TXNDC11: variants seen among roughly 807,000 people sequenced by gnomAD.
TXNDC11 encodes the protein thioredoxin domain containing 11, also known as thioredoxin domain-containing protein 11.
A neutral mutation model predicts 78.0 loss-of-function variants in TXNDC11; 68 were observed. That is an observed-to-expected ratio of 0.87 (90% CI 0.72 to 1.07). The LOEUF is 1.07. Ranked by LOEUF, TXNDC11 falls within the 50% of genes least tolerant of loss-of-function variation. The pLI, the probability that TXNDC11 is intolerant of heterozygous loss-of-function variation, is 0.00. For synonymous variants in TXNDC11, 571 were observed against 495.2 expected (o/e 1.15, Z -2.03); for missense variants, 1,389 against 1,221.8 (o/e 1.14, Z -2.04).
intron 7 of TXNDC11, 190 bp from the exon 8 acceptor site, chr16:11,692,272 A>G: frequency 1.9e-6 from 1 of 531,114 alleles, no homozygotes; most frequent in East Asian, 3.1e-5. Context: ...TAGTGTGATG[A>G]AATTTTTGCC....
Position 11,700,476 on chromosome 16 carries a change from T to G in TXNDC11, c.882A>C (p.Leu294Phe). ...VSLVHSGSVY[L>F]HRHFNTSLVF... ...CAAGTGATGTGTTGAAATGTCTATG[T>G]AAATACACACTTCCAGAGTGTACTA... Residue 294 changes from leucine (L) to phenylalanine (F), a missense_variant, in exon 6 of 12, where the codon TTA (leucine) becomes TTC (phenylalanine). Transcript: ENST00000283033. 1 of 1,574,310 alleles carries G rather than the reference T, an allele frequency of 6.4e-7. No individual in the cohort carries two copies. The highest frequency in any genetic ancestry group is 2.2e-5 in the East Asian group (1 of 44,628).
intron 11 of TXNDC11, among the ~76,000 whole-genome samples, chr16:11,682,925 C>G (rs1440172026): frequency 6.6e-6 from 1 of 152,130 alleles, no homozygotes; most frequent in Non-Finnish European, 1.5e-5. Flanking sequence ...GAAACACTCT[C>G]CTAGAGAAAC....
rs146263426 is a variant in TXNDC11 at position 11,693,457 on chromosome 16, CTG to C, written c.1108-1377_1108-1376del. Reference sequence around the variant, plus strand: ...TGCTGTCACTCAGGATTTTGTTTCGCTGTGTGTGTGTGTGTGTCTGTGTGTCT... The same window carrying C: ...TGCTGTCACTCAGGATTTTGTTTCGCTGTGTGTGTGTGTGTCTGTGTGTCT... On this transcript the variant is annotated intron_variant, in intron 7 of 11. Coordinates refer to ENST00000283033, the MANE Select transcript of TXNDC11 (RefSeq NM_015914.7). Among the ~76,000 whole-genome samples the C allele has an allele frequency of 5.6e-4, 84 of 150,944 alleles. 1 individual carries two copies. Among genetic ancestry groups the C allele is most frequent in the Admixed American group, 2.6e-4 (4 of 15,168 alleles).
chr16:11,718,298 A>C (rs1266144288), intron 5 of TXNDC11, among the ~76,000 whole-genome samples: 1 of 152,196 alleles, frequency 6.6e-6, no homozygotes, highest in Admixed American at 6.5e-5. Flanking sequence ...GGCAGGGGAA[A>C]GGCATGTGTA....
chr16:11,723,581 T>A (rs1225059870), intron 4 of TXNDC11, among the ~76,000 whole-genome samples: 1 of 151,680 alleles, frequency 6.6e-6, no homozygotes, highest in East Asian at 1.9e-4. Flanking sequence ...CAAGACTCCA[T>A]CTTAAAACAA....
In TXNDC11 at chr16:11,725,331, ATATT is replaced by A. The variant is rs912697989; in HGVS notation, c.700-3665_700-3662del. On this transcript the variant is annotated intron_variant, in intron 4 of 11. Transcript: ENST00000283033. ...AGAGCCATGGCATCATCCTTCATCC[ATATT>A]TATTCTTTTAAGTATTCATTTAGAA... Among the ~76,000 whole-genome samples the A allele has an allele frequency of 3.3e-5, 5 of 149,860 alleles. 1 individual carries two copies. The East Asian group carries it at 7.8e-4, about 23-fold the overall frequency.
chr16:11,727,476 G>T (rs2051917284), intron 4 of TXNDC11, among the ~76,000 whole-genome samples: 1 of 152,138 alleles, frequency 6.6e-6, no homozygotes, highest in African/African-American at 2.4e-5. Context: ...TAAGGCTCTT[G>T]ACCAAAACAA....
At chr16:11,731,571 C>T (rs1423648253) in intron 3 of TXNDC11, among the ~76,000 whole-genome samples, 1 of 152,038 alleles carries the variant, frequency 6.6e-6, no homozygotes, top group Non-Finnish European at 1.5e-5. Flanking sequence ...ACTGCATAAT[C>T]GTTCTTTTCT....
intron 7 of TXNDC11, 47 bp from the exon 8 acceptor site, chr16:11,692,129 G>A: frequency 2.1e-6 from 3 of 1,431,128 alleles, no homozygotes; most frequent in Non-Finnish European, 2.8e-6. Flanking sequence ...ATGACTGAGG[G>A]ACTAGCACCC....
intron 8 of TXNDC11, chr16:11,691,036 A>G (rs2050699775): frequency 2.0e-6 from 1 of 495,660 alleles, no homozygotes. Context: ...CAATTTAGAA[A>G]GTGGGACTCT....
chr16:11,717,174 C>T (rs1414982152), intron 5 of TXNDC11, among the ~76,000 whole-genome samples: 1 of 150,746 alleles, frequency 6.6e-6, no homozygotes, highest in Non-Finnish European at 1.5e-5. Flanking sequence ...GCCTGTAATC[C>T]CAGCACTTTA....
At chr16:11,700,711 G>A in intron 5 of TXNDC11, 147 bp from the exon 6 acceptor site, 1 of 576,854 alleles carries the variant, frequency 1.7e-6, no homozygotes. Context: ...GAGGCGCTGA[G>A]GAACCTCTCC....
chr16:11,718,380 G>C (rs1313155433), intron 5 of TXNDC11, among the ~76,000 whole-genome samples: 1 of 152,162 alleles, frequency 6.6e-6, no homozygotes, highest in African/African-American at 2.4e-5. Flanking sequence ...CACTTCTTCA[G>C]TTCAGTTCTC....
At chr16:11,709,681 C>T (rs1350489186) in intron 5 of TXNDC11, among the ~76,000 whole-genome samples, 1 of 151,680 alleles carries the variant, frequency 6.6e-6, no homozygotes, top group African/African-American at 2.4e-5. Context: ...GTGATCCGCC[C>T]GCCTCGGCCT....
intron 7 of TXNDC11, among the ~76,000 whole-genome samples, chr16:11,693,546 T>C (rs764230509): frequency 6.6e-6 from 1 of 152,140 alleles, no homozygotes; most frequent in East Asian, 1.9e-4. Context: ...TTTATAAAAA[T>C]AAAAATAAAA....
rs554325952 is a variant in TXNDC11, at chr16:11,688,501, G to A, written c.1901-56C>T. ...TCCTCTAGATACAAAGAGAATAGCT[G>A]GCCTACTTTTAAACTCCACATTTTA... On this transcript the variant is annotated intron_variant, in intron 8 of 11. Transcript: ENST00000283033. 94 of 1,419,568 alleles carry A rather than the reference G, an allele frequency of 6.6e-5. No homozygotes were observed. The East Asian group carries it at 2.0e-3, about 30-fold the overall frequency. 87.9% of individuals were successfully genotyped at this position (1,419,568 alleles called of 1,614,324 possible).
chr16:11,707,675 C>G (rs1168393948), intron 5 of TXNDC11, among the ~76,000 whole-genome samples: 1 of 151,910 alleles, frequency 6.6e-6, no homozygotes. Flanking sequence ...TCTCGAACTC[C>G]TGACCTCAAG....
intron 4 of TXNDC11, among the ~76,000 whole-genome samples, chr16:11,722,461 G>A (rs1387627973): frequency 6.6e-6 from 1 of 152,160 alleles, no homozygotes; most frequent in Admixed American, 6.5e-5. Context: ...ATTCAGTCAG[G>A]TTTTATTCTG....
chr16:11,709,596 G>T (rs966850473), intron 5 of TXNDC11, among the ~76,000 whole-genome samples: 1 of 151,320 alleles, frequency 6.6e-6, no homozygotes, highest in South Asian at 2.1e-4. Context: ...TACCATGCCC[G>T]GCTAATTTTT....
Sources: allele counts gnomAD v4.1 joint callset (sites outside exome capture counted in the v4.1 genomes callset), GRCh38; gene constraint gnomAD v4.1.1; transcripts MANE v1.5; gene names NCBI Gene and HGNC (gene_info 2026-07-23, HGNC 2026-07-21).